Variants in ADCY2 observed in about 807,000 individuals in gnomAD.
ADCY2 encodes adenylate cyclase type 2.
ADCY2 carries 31 observed loss-of-function variants against 125.2 expected under a neutral mutation model. That is an observed-to-expected ratio of 0.25 (90% CI 0.19 to 0.33). ADCY2 has a LOEUF of 0.33. Among genes scored for constraint, ADCY2 ranks in the 10% least tolerant of loss-of-function variants. The pLI is 1.00. For synonymous variants in ADCY2, 512 were observed against 548.4 expected (o/e 0.93, Z 0.93); for missense variants, 904 against 1,418.2 (o/e 0.64, Z 5.82).
At chr5:7,722,388 T>C (rs1192477404) in intron 12 of ADCY2, among the ~76,000 whole-genome samples, 3 of 152,204 alleles carry the variant, frequency 2.0e-5, no homozygotes, top group African/African-American at 4.8e-5. Context: ...TTATAAACTA[T>C]ATTTTTTTCT....
At chr5:7,718,145 ATTT>A (rs59353850) in intron 12 of ADCY2, among the ~76,000 whole-genome samples, 2 of 115,414 alleles carry the variant, frequency 1.7e-5, no homozygotes, top group Non-Finnish European at 3.4e-5. Flanking sequence ...CCTGTTTTAG[ATTT>A]TTTTTTTTTT....
At chr5:7,660,832 C>T (rs370542632) in intron 4 of ADCY2, among the ~76,000 whole-genome samples, 3 of 152,078 alleles carry the variant, frequency 2.0e-5, no homozygotes, top group African/African-American at 4.8e-5. Flanking sequence ...ACCATTTGCC[C>T]GAACAACTGG....
At chr5:7,614,146 T>A (rs1737670789) in intron 3 of ADCY2, among the ~76,000 whole-genome samples, 1 of 152,216 alleles carries the variant, frequency 6.6e-6, no homozygotes, top group African/African-American at 2.4e-5. Context: ...TTCATGCATC[T>A]CATGAGTGTC....
intron 2 of ADCY2, among the ~76,000 whole-genome samples, chr5:7,436,862 G>A (rs571013809): frequency 1.3e-4 from 20 of 151,640 alleles, no homozygotes; most frequent in African/African-American, 2.4e-4. Flanking sequence ...TCCTCAGGGC[G>A]TGTGCTAGGG....
At chr5:7,400,463 A>G (rs78850152) in intron 1 of ADCY2, among the ~76,000 whole-genome samples, 1 of 152,218 alleles carries the variant, frequency 6.6e-6, no homozygotes, top group Non-Finnish European at 1.5e-5. Context: ...TTGTGTGTAC[A>G]TAGAGAAAGA....
At position 7,827,008 on chromosome 5, in the gene ADCY2, C is replaced by T. The variant is rs1745503824; in HGVS notation, c.*137C>T. The T allele has an allele frequency of 3.8e-6, 4 of 1,050,394 alleles. No individual in the cohort carries two copies. Among genetic ancestry groups the T allele is most frequent in the Non-Finnish European group, 2.7e-6 (2 of 739,368 alleles). The allele number at this position is 1,050,394 out of a possible 1,614,324, so 65.1% of individuals were successfully genotyped here. A position where few individuals can be genotyped will look rare whatever the true frequency, so the allele number is the denominator to read the frequency against. On this transcript the variant is annotated 3_prime_UTR_variant, in exon 25 of 25. Coordinates refer to ENST00000338316, the MANE Select transcript of ADCY2 (RefSeq NM_020546.3). ...GCCTCTGCAGACTCGTTCTCGTGACCCAGTGGCATACCGTTTGGTGTCTGA... is the reference window on the plus strand; with the variant it reads ...GCCTCTGCAGACTCGTTCTCGTGACTCAGTGGCATACCGTTTGGTGTCTGA...
intron 14 of ADCY2, among the ~76,000 whole-genome samples, chr5:7,740,998 T>C (rs1742389284): frequency 6.6e-6 from 1 of 152,056 alleles, no homozygotes; most frequent in South Asian, 2.1e-4. Flanking sequence ...ACCAAACACT[T>C]ATTCCTTGAG....
chr5:7,772,025 T>A (rs1220595854), intron 17 of ADCY2, among the ~76,000 whole-genome samples: 1 of 152,208 alleles, frequency 6.6e-6, no homozygotes, highest in East Asian at 1.9e-4. Flanking sequence ...AAGTCCCTCC[T>A]GGCGTGCAGG....
chr5:7,711,850 GC>G (rs1179873845), intron 10 of ADCY2, among the ~76,000 whole-genome samples: 1 of 152,160 alleles, frequency 6.6e-6, no homozygotes, highest in East Asian at 1.9e-4. Flanking sequence ...CTTTAAGAAA[GC>G]CCCAAGTTTT....
intron 3 of ADCY2, among the ~76,000 whole-genome samples, chr5:7,538,359 A>G (rs1283121063): frequency 6.6e-6 from 1 of 152,186 alleles, no homozygotes; most frequent in Non-Finnish European, 1.5e-5. Context: ...TCGGTAAAAG[A>G]GGACCAATAA....
At chr5:7,435,828 A>G (rs1180864160) in intron 2 of ADCY2, among the ~76,000 whole-genome samples, 1 of 152,222 alleles carries the variant, frequency 6.6e-6, no homozygotes, top group Non-Finnish European at 1.5e-5. Context: ...TAGCTGTTAG[A>G]CATGAACAAA....
chr5:7,776,633 G>A (rs901523317), intron 18 of ADCY2, among the ~76,000 whole-genome samples: 1 of 152,146 alleles, frequency 6.6e-6, no homozygotes, highest in Non-Finnish European at 1.5e-5. Flanking sequence ...GTGTGTCTGC[G>A]TGGGTGTTGC....
intron 3 of ADCY2, among the ~76,000 whole-genome samples, chr5:7,540,757 A>T (rs1734969458): frequency 6.6e-6 from 1 of 152,150 alleles, no homozygotes; most frequent in Non-Finnish European, 1.5e-5. Flanking sequence ...GTGAAATAAG[A>T]CTGCTCTTTA....
intron 3 of ADCY2, among the ~76,000 whole-genome samples, chr5:7,555,450 G>A (rs1032437551): frequency 6.6e-6 from 1 of 152,124 alleles, no homozygotes; most frequent in Non-Finnish European, 1.5e-5. Flanking sequence ...CTTTTACACT[G>A]GTGAAAGTTA....
Position 7,828,430 on chromosome 5 carries a change from A to G in ADCY2, c.*1559A>G, listed in dbSNP as rs537131248. 62 of 152,278 alleles carry G rather than the reference A, an allele frequency of 4.1e-4. No homozygotes were observed. Among genetic ancestry groups the G allele is most frequent in the African/African-American group, 1.5e-3 (62 of 41,564 alleles). The allele number at this position is 152,278 out of a possible 1,614,324, so 9.4% of individuals were successfully genotyped here. A position where few individuals can be genotyped will look rare whatever the true frequency, so the allele number is the denominator to read the frequency against. On this transcript the variant is annotated 3_prime_UTR_variant, in exon 25 of 25. Transcript: ENST00000338316. ...TTGGCAACTTATGGACTCGCTAGTG[A>G]TTAAACGAGGCAATGACTGTGAGCG...
chr5:7,804,039 A>AC (rs1400393849), intron 21 of ADCY2, among the ~76,000 whole-genome samples: 2 of 135,232 alleles, frequency 1.5e-5, no homozygotes, highest in African/African-American at 6.1e-5. Context: ...TGGAGGGGGG[A>AC]AAGAGAGAGA....
At chr5:7,814,477 G>A (rs953880881) in intron 22 of ADCY2, among the ~76,000 whole-genome samples, 1 of 150,006 alleles carries the variant, frequency 6.7e-6, no homozygotes, top group Admixed American at 6.6e-5. Flanking sequence ...AGGACAGCCC[G>A]CAAAGCAGAG....
intron 2 of ADCY2, among the ~76,000 whole-genome samples, chr5:7,507,397 T>TGC (rs1743872068): frequency 2.1e-5 from 2 of 97,174 alleles, no homozygotes; most frequent in African/African-American, 9.3e-5. Context: ...GCCGAGATCA[T>TGC]ACCACTGCAC....
chr5:7,672,755 C>T (rs1374643961), intron 4 of ADCY2, among the ~76,000 whole-genome samples: 1 of 152,168 alleles, frequency 6.6e-6, no homozygotes, highest in Non-Finnish European at 1.5e-5. Flanking sequence ...TATTGGAACA[C>T]AGAGCCACAC....
Sources: allele counts gnomAD v4.1 joint callset (sites outside exome capture counted in the v4.1 genomes callset), GRCh38; gene constraint gnomAD v4.1.1; transcripts MANE v1.5; gene names NCBI Gene and HGNC (gene_info 2026-07-23, HGNC 2026-07-21).